The following AXDND1 variants were observed in gnomAD, a reference collection of about 807,000 sequenced individuals.
AXDND1 encodes axonemal dynein light chain domain-containing protein 1.
In AXDND1, 110 loss-of-function variants were observed where a neutral mutation model predicts 137.5. The ratio of observed to expected loss-of-function variants is 0.80; its 90% CI spans 0.69 to 0.94. The LOEUF (loss-of-function observed/expected upper bound fraction) is 0.94. Among genes scored for constraint, AXDND1 ranks in the 40% least tolerant of loss-of-function variants. The pLI, the probability that AXDND1 is intolerant of heterozygous loss-of-function variation, is 0.00. For synonymous variants in AXDND1, 414 were observed against 399.7 expected, an observed-to-expected ratio of 1.04 and a Z score of -0.43; for missense variants, 1,191 against 1,169.8, an observed-to-expected ratio of 1.02 and a Z score of -0.26.
chr1:179,484,689 A>G (rs55998153), intron 18 of AXDND1, among the ~76,000 whole-genome samples: 16,414 of 152,102 alleles, frequency 0.11, 1,008 homozygotes, highest in African/African-American at 0.14. Context: ...ACCACCCCCT[A>G]CATTGCTTTG....
At chr1:179,515,472 G>T (rs997282037) in intron 21 of AXDND1, among the ~76,000 whole-genome samples, 1 of 152,160 alleles carries the variant, frequency 6.6e-6, no homozygotes, top group East Asian at 1.9e-4. Context: ...CCTTTATAGG[G>T]TACCTGATGC....
At chr1:179,451,560 T>A (rs1430095651) in intron 16 of AXDND1, 1 of 152,258 alleles carries the variant, frequency 6.6e-6, no homozygotes, top group East Asian at 1.9e-4. Flanking sequence ...TTTTCACTGA[T>A]ATGGCTTGGC....
At chr1:179,525,560 C>G in intron 22 of AXDND1, 113 bp downstream of exon 22, 1 of 1,238,126 alleles carries the variant, frequency 8.1e-7, no homozygotes, top group Non-Finnish European at 1.1e-6. Flanking sequence ...GCTGTGGTAT[C>G]ATCATAGCTC....
At chr1:179,409,414 G>A (rs1653502635) in intron 11 of AXDND1, among the ~76,000 whole-genome samples, 1 of 152,054 alleles carries the variant, frequency 6.6e-6, no homozygotes, top group Non-Finnish European at 1.5e-5. Flanking sequence ...GGAACAATTT[G>A]ACTTCTATCT....
At chr1:179,509,966 A>G (rs1291931469) in intron 21 of AXDND1, among the ~76,000 whole-genome samples, 3 of 152,142 alleles carry the variant, frequency 2.0e-5, no homozygotes, top group African/African-American at 4.8e-5. Flanking sequence ...TAGAACTACT[A>G]TAAGGTCACC....
intron 17 of AXDND1, among the ~76,000 whole-genome samples, chr1:179,469,925 A>T (rs1339729228): frequency 6.6e-6 from 1 of 152,080 alleles, no homozygotes; most frequent in Non-Finnish European, 1.5e-5. Flanking sequence ...ATTTACCCCT[A>T]TGTTTTTTTG....
At position 179,378,466 on chromosome 1, in the gene AXDND1, G is replaced by A. The variant is rs553617995; in HGVS notation, c.375-171G>A. ...AGGTGGAGAAGAGAAAGAATGTGGG[G>A]GAACTCATGTTTAATGCCTCAGTCT... On this transcript the variant is annotated intron_variant, in intron 4 of 25. Coordinates refer to ENST00000367618, the MANE Select transcript of AXDND1 (RefSeq NM_144696.6). 2.6e-5 allele frequency among the ~76,000 whole-genome samples: 4 copies of A among 152,220 alleles called. No individual in the cohort carries two copies. In the South Asian group the frequency reaches 6.2e-4, roughly 24 times the overall value.
chr1:179,428,975 G>A (rs554651916), intron 12 of AXDND1, among the ~76,000 whole-genome samples: 1 of 150,546 alleles, frequency 6.6e-6, no homozygotes, highest in East Asian at 2.0e-4. Context: ...TCAGGAGATC[G>A]AGACAATCCT....
chr1:179,504,056 A>G (rs1668295064), intron 20 of AXDND1, among the ~76,000 whole-genome samples: 1 of 152,220 alleles, frequency 6.6e-6, no homozygotes, highest in Non-Finnish European at 1.5e-5. Context: ...GAAAATTACA[A>G]GACTAAAACA....
intron 12 of AXDND1, among the ~76,000 whole-genome samples, chr1:179,417,833 C>T (rs1654928498): frequency 6.6e-6 from 1 of 151,894 alleles, no homozygotes; most frequent in Non-Finnish European, 1.5e-5. Flanking sequence ...ATTAGTTCTT[C>T]CAGTCCATGA....
intron 17 of AXDND1, among the ~76,000 whole-genome samples, chr1:179,479,406 C>T (rs1390181640): frequency 3.5e-5 from 5 of 143,890 alleles, no homozygotes; most frequent in Admixed American, 7.1e-5. Flanking sequence ...ACTCAGGAGG[C>T]GGAGATTGTG....
intron 20 of AXDND1, among the ~76,000 whole-genome samples, chr1:179,501,449 C>T (rs112315712): frequency 0.062 from 9,366 of 152,200 alleles, 341 homozygotes; most frequent in Non-Finnish European, 0.07. Context: ...CAGTGGCTCA[C>T]GCCTGTAATC....
At chr1:179,428,626 A>G (rs1445545875) in intron 12 of AXDND1, among the ~76,000 whole-genome samples, 1 of 152,204 alleles carries the variant, frequency 6.6e-6, no homozygotes, top group African/African-American at 2.4e-5. Flanking sequence ...TGCCTTTTTC[A>G]TTCTCATTCT....
At chr1:179,378,160 G>T (rs1275815161) in intron 4 of AXDND1, among the ~76,000 whole-genome samples, 1 of 152,152 alleles carries the variant, frequency 6.6e-6, no homozygotes, top group East Asian at 1.9e-4. Context: ...GACAGAGTGA[G>T]ACTCTGTGTC....
intron 9 of AXDND1, among the ~76,000 whole-genome samples, chr1:179,389,892 C>T (rs1289390507): frequency 6.6e-6 from 1 of 152,132 alleles, no homozygotes; most frequent in East Asian, 1.9e-4. Context: ...AACTCCCTGC[C>T]ACTTTCAGCC....
At chr1:179,504,757 G>C (rs1380754259) in intron 20 of AXDND1, among the ~76,000 whole-genome samples, 1 of 152,148 alleles carries the variant, frequency 6.6e-6, no homozygotes, top group Admixed American at 6.5e-5. Context: ...TTGGTCCTCT[G>C]TTAAGCTCTT....
chr1:179,549,840 G>A (rs1298731682), intron 25 of AXDND1, among the ~76,000 whole-genome samples: 1 of 151,868 alleles, frequency 6.6e-6, no homozygotes, highest in Non-Finnish European at 1.5e-5. Flanking sequence ...CTTTAAATGG[G>A]CTAAACCACC....
At chr1:179,464,521 G>A (rs1424273493) in intron 16 of AXDND1, among the ~76,000 whole-genome samples, 1 of 152,096 alleles carries the variant, frequency 6.6e-6, no homozygotes, top group Admixed American at 6.6e-5. Context: ...TGAGTAACCC[G>A]ACTTTTCTCT....
chr1:179,477,813 C>G (rs1302314089), intron 17 of AXDND1, among the ~76,000 whole-genome samples: 1 of 152,186 alleles, frequency 6.6e-6, no homozygotes, highest in Non-Finnish European at 1.5e-5. Context: ...CAAGACAAGG[C>G]AAGTTTCTTC....
Sources: allele counts gnomAD v4.1 joint callset (sites outside exome capture counted in the v4.1 genomes callset), GRCh38; gene constraint gnomAD v4.1.1; transcripts MANE v1.5; gene names NCBI Gene and HGNC (gene_info 2026-07-23, HGNC 2026-07-21).